CHD1L: variants seen among roughly 807,000 people sequenced by gnomAD.
The protein encoded by CHD1L is chromodomain helicase DNA binding protein 1 like, also known as ATP-dependent chromatin remodeler CHD1L.
In CHD1L, 118 loss-of-function variants were observed where a neutral mutation model predicts 115.9. That is an observed-to-expected ratio of 1.02 (90% CI 0.88 to 1.19). CHD1L has a LOEUF of 1.19. Among genes scored for constraint, CHD1L ranks in the 50% most tolerant of loss-of-function variants. The pLI is 0.00. For missense variants in CHD1L, 1,179 were observed against 1,065.3 expected (o/e 1.11, Z -1.49); for synonymous variants, 411 against 387.1 (o/e 1.06, Z -0.72).
the CHD1L span, chr1:147,213,188 A>G: frequency 1.2e-6 from 1 of 814,980 alleles, no homozygotes; most frequent in Non-Finnish European, 1.8e-6. Context: ...GAACAAGAAT[A>G]ATTAGGATAA....
At chr1:147,179,364 A>G in the CHD1L span, 4 of 1,600,464 alleles carry the variant, frequency 2.5e-6, no homozygotes, top group Non-Finnish European at 3.4e-6. Flanking sequence ...CCAAGTATAA[A>G]GAACTTGGCG....
upstream of CHD1L, among the ~76,000 whole-genome samples, chr1:147,238,918 T>C (rs1276370967): frequency 2.0e-5 from 3 of 152,182 alleles, no homozygotes; most frequent in African/African-American, 7.2e-5. Flanking sequence ...AGACTTCATC[T>C]TGGCTCTTTC....
intron 10 of CHD1L, among the ~76,000 whole-genome samples, chr1:147,269,329 G>C (rs1042330450): frequency 3.3e-5 from 5 of 152,084 alleles, no homozygotes; most frequent in African/African-American, 1.2e-4. Context: ...TTAAACTTAA[G>C]GGGAACTTGA....
chr1:147,281,235 C>A (rs1433999628), intron 15 of CHD1L, among the ~76,000 whole-genome samples: 1 of 152,174 alleles, frequency 6.6e-6, no homozygotes, highest in Non-Finnish European at 1.5e-5. Flanking sequence ...TCAGACCTAT[C>A]CTCATTATTT....
At chr1:147,293,536 T>A in intron 20 of CHD1L, 72 bp from the exon 21 acceptor site, 2 of 1,304,598 alleles carry the variant, frequency 1.5e-6, no homozygotes. Context: ...CTGTGCCGCC[T>A]CCATGGGCGG....
rs587628194 is a variant in CHD1L, at chr1:147,259,683, T to A, written c.495-154T>A. Reference sequence around the variant, plus strand: ...ATCCAGATATTGTATTATGCACATGTAGCCTCTCAGGAAGGTAATTTGGTG... The same window carrying A: ...ATCCAGATATTGTATTATGCACATGAAGCCTCTCAGGAAGGTAATTTGGTG... On this transcript the variant is annotated intron_variant, in intron 5 of 22. Coordinates refer to ENST00000369258, the MANE Select transcript of CHD1L (RefSeq NM_004284.6). The A allele has an allele frequency of 7.7e-6, 5 of 647,454 alleles. No individual in the cohort carries two copies. In the East Asian group the frequency reaches 1.3e-4, roughly 17 times the overall value. The allele number at this position is 647,454 out of a possible 1,614,324, so 40.1% of individuals were successfully genotyped here.
At chr1:147,182,333 T>C in the CHD1L span, among the ~76,000 whole-genome samples, 1 of 152,300 alleles carries the variant, frequency 6.6e-6, no homozygotes, top group Non-Finnish European at 1.5e-5. Flanking sequence ...AGAATGTCCA[T>C]ATAATGGCTA....
chr1:147,293,526 C>A, intron 20 of CHD1L, 82 bp from the exon 21 acceptor site: 1 of 1,118,322 alleles, frequency 8.9e-7, no homozygotes, highest in Non-Finnish European at 1.3e-6. Flanking sequence ...CCATCAAGGG[C>A]TGTGCCGCCT....
At chr1:147,292,755 A>G (rs587678018) in intron 20 of CHD1L, among the ~76,000 whole-genome samples, 10 of 152,300 alleles carry the variant, frequency 6.6e-5, no homozygotes, top group African/African-American at 2.2e-4. Context: ...ACTGCTTTAA[A>G]TAACTAGATG....
chr1:147,289,417 G>C (rs1490217198), intron 19 of CHD1L, among the ~76,000 whole-genome samples: 1 of 152,180 alleles, frequency 6.6e-6, no homozygotes, highest in African/African-American at 2.4e-5. Flanking sequence ...GAAGTTCATG[G>C]TATTAGACAC....
intron 15 of CHD1L, among the ~76,000 whole-genome samples, chr1:147,283,218 C>T (rs587748937): frequency 6.6e-6 from 1 of 152,158 alleles, no homozygotes; most frequent in East Asian, 1.9e-4. Flanking sequence ...TCATTGAAAG[C>T]CCCCTGCTGA....
At chr1:147,232,699 CTG>C in the CHD1L span, among the ~76,000 whole-genome samples, 1 of 152,160 alleles carries the variant, frequency 6.6e-6, no homozygotes. Context: ...TGGGGTTTCG[CTG>C]TGTTGGCCGG....
At position 147,256,001 on chromosome 1, in the gene CHD1L, A is replaced by AT. The variant is rs587597058; in HGVS notation, c.462+77dup. On this transcript the variant is annotated intron_variant, in intron 4 of 22. Coordinates refer to ENST00000369258, the MANE Select transcript of CHD1L (RefSeq NM_004284.6). The stretch of plus-strand genomic sequence containing the variant: ...AAGTTGTAGAGTCTGCTGAAATTAT[A>AT]TTTAAGTTTTGTTGAGAGCACACAC... The AT allele has an allele frequency of 1.5e-4, 156 of 1,047,218 alleles. No homozygotes were observed. In the African/African-American group the frequency reaches 2.2e-3, roughly 15 times the overall value. 64.9% of individuals were successfully genotyped at this position (1,047,218 alleles called of 1,614,324 possible).
chr1:147,181,129 T>C, the CHD1L span, among the ~76,000 whole-genome samples: 1 of 152,194 alleles, frequency 6.6e-6, no homozygotes. Context: ...AAGTCTCTCA[T>C]ACAGAATTCC....
chr1:147,288,322 C>CATAAAAAAAAAAGA (rs1452486110), intron 19 of CHD1L, among the ~76,000 whole-genome samples: 4 of 87,892 alleles, frequency 4.6e-5, no homozygotes, highest in Admixed American at 1.3e-4. Context: ...GACCCTGTTT[C>CATAAAAAAAAAAGA]AATAAAAAAA....
intron 19 of CHD1L, among the ~76,000 whole-genome samples, chr1:147,290,986 T>A (rs2102998282): frequency 6.6e-6 from 1 of 152,330 alleles, no homozygotes; most frequent in South Asian, 2.1e-4. Context: ...GCATCTCTAT[T>A]TTGATTCTAA....
chr1:147,223,530 C>T, the CHD1L span: 1 of 152,570 alleles, frequency 6.6e-6, no homozygotes. Context: ...AAAGCAAACC[C>T]GTTCTCCTCT....
At chr1:147,237,678 A>G (rs1664625978), upstream of CHD1L, among the ~76,000 whole-genome samples, 2 of 152,290 alleles carry the variant, frequency 1.3e-5, no homozygotes, top group South Asian at 4.1e-4. Context: ...ACTGCCATCA[A>G]TATGTCACAA....
intron 7 of CHD1L, among the ~76,000 whole-genome samples, chr1:147,265,471 A>G (rs1407798560): frequency 6.6e-6 from 1 of 152,220 alleles, no homozygotes; most frequent in African/African-American, 2.4e-5. Context: ...TTGAAATTCA[A>G]GACATCTGGG....
Sources: allele counts gnomAD v4.1 joint callset (sites outside exome capture counted in the v4.1 genomes callset), GRCh38; gene constraint gnomAD v4.1.1; transcripts MANE v1.5; gene names NCBI Gene and HGNC (gene_info 2026-07-23, HGNC 2026-07-21).